The following MOB3B variants were observed in gnomAD, a reference collection of about 807,000 sequenced individuals.
The protein encoded by MOB3B is MOB kinase activator 3B, also known as MOB kinase activator-like 2B.
A neutral mutation model predicts 18.7 loss-of-function variants in MOB3B; 7 were observed. That is an observed-to-expected ratio of 0.37 (90% CI 0.21 to 0.70). The LOEUF (loss-of-function observed/expected upper bound fraction) is 0.70, where lower values mean the gene tolerates loss of function less well. MOB3B is among the 30% of genes least tolerant of loss of function. The pLI, the probability that MOB3B is intolerant of heterozygous loss-of-function variation, is 0.52. For missense variants in MOB3B, 253 were observed against 281.3 expected (o/e 0.90, Z 0.72); for synonymous variants, 111 against 99.9 (o/e 1.11, Z -0.66).
chr9:27,382,469 G>C (rs1415828556), intron 2 of MOB3B, among the ~76,000 whole-genome samples: 2 of 152,066 alleles, frequency 1.3e-5, no homozygotes, highest in African/African-American at 4.8e-5. Flanking sequence ...TAGAAGATCA[G>C]GGCCAATCCT....
chr9:27,381,989 T>G (rs1821585686), intron 2 of MOB3B, among the ~76,000 whole-genome samples: 1 of 152,034 alleles, frequency 6.6e-6, no homozygotes, highest in South Asian at 2.1e-4. Flanking sequence ...CTGATACGAG[T>G]GGGCATTCTC....
chr9:27,336,750 C>T lies in MOB3B; in HGVS notation c.622-6134G>A, dbSNP rs1261854955. Among the ~76,000 whole-genome samples the T allele has an allele frequency of 3.3e-5, 5 of 152,180 alleles. No homozygotes were observed. The East Asian group carries it at 9.7e-4, about 30-fold the overall frequency. ...ACGTATATAAAGGAAATTGGGCTCTCTAATACAGCACGCCCGCACACGTGT... is the reference window on the plus strand; with the variant it reads ...ACGTATATAAAGGAAATTGGGCTCTTTAATACAGCACGCCCGCACACGTGT... On this transcript the variant is annotated intron_variant, in intron 3 of 3. Coordinates refer to ENST00000262244, the MANE Select transcript of MOB3B (RefSeq NM_024761.5).
At chr9:27,522,424 T>TC (rs1820352730) in intron 1 of MOB3B, among the ~76,000 whole-genome samples, 1 of 46,762 alleles carries the variant, frequency 2.1e-5, no homozygotes, top group Non-Finnish European at 8.3e-5. Context: ...TTTTTTCATA[T>TC]ATATATATAT....
intron 3 of MOB3B, among the ~76,000 whole-genome samples, chr9:27,338,945 G>T (rs886917847): frequency 3.9e-5 from 6 of 152,230 alleles, no homozygotes; most frequent in African/African-American, 1.4e-4. Context: ...GGAGCCCTCA[G>T]TTGCATCCTT....
intron 2 of MOB3B, among the ~76,000 whole-genome samples, chr9:27,381,863 A>G (rs969060159): frequency 2.6e-5 from 4 of 152,160 alleles, no homozygotes; most frequent in Non-Finnish European, 5.9e-5. Context: ...CTAGGCTGGT[A>G]TCAAACTACG....
At chr9:27,377,355 C>T (rs560200205) in intron 2 of MOB3B, among the ~76,000 whole-genome samples, 1 of 152,102 alleles carries the variant, frequency 6.6e-6, no homozygotes, top group Non-Finnish European at 1.5e-5. Flanking sequence ...CAGGATGAGA[C>T]GATGAGTCAT....
chr9:27,517,460 C>T (rs1439002157), intron 1 of MOB3B, among the ~76,000 whole-genome samples: 1 of 151,738 alleles, frequency 6.6e-6, no homozygotes, highest in African/African-American at 2.4e-5. Context: ...CCAGCCTGGC[C>T]AACATGGTGA....
chr9:27,474,218 GT>G (rs1819518732), intron 1 of MOB3B, among the ~76,000 whole-genome samples: 1 of 152,144 alleles, frequency 6.6e-6, no homozygotes. Flanking sequence ...TAAAGTAATA[GT>G]GATAATAATT....
At chr9:27,472,776 G>C (rs888309836) in intron 1 of MOB3B, among the ~76,000 whole-genome samples, 3 of 151,248 alleles carry the variant, frequency 2.0e-5, no homozygotes, top group Middle Eastern at 3.5e-3. Context: ...TTTGGAAAAA[G>C]GTGGTGGAGG....
intron 2 of MOB3B, among the ~76,000 whole-genome samples, chr9:27,449,990 A>G (rs1206984451): frequency 1.3e-5 from 2 of 152,002 alleles, no homozygotes. Flanking sequence ...AAATTAAAAA[A>G]AAAAAAAAAA....
At chr9:27,403,048 G>A (rs1205008498) in intron 2 of MOB3B, among the ~76,000 whole-genome samples, 1 of 152,176 alleles carries the variant, frequency 6.6e-6, no homozygotes, top group Non-Finnish European at 1.5e-5. Flanking sequence ...AGGTTAAAAG[G>A]GAGACTAGTC....
chr9:27,410,415 G>A (rs930441133), intron 2 of MOB3B, among the ~76,000 whole-genome samples: 1 of 152,124 alleles, frequency 6.6e-6, no homozygotes, highest in East Asian at 1.9e-4. Context: ...TGAGTCACCC[G>A]GTTCAAAAGT....
rs1342036111 is a variant in MOB3B, at chr9:27,346,801, C to T, written c.621+12233G>A. 2.6e-5 allele frequency among the ~76,000 whole-genome samples: 4 copies of T among 152,174 alleles called. No individual in the cohort carries two copies. The East Asian group carries it at 7.7e-4, about 29-fold the overall frequency. On this transcript the variant is annotated intron_variant, in intron 3 of 3. Coordinates refer to ENST00000262244, the MANE Select transcript of MOB3B (RefSeq NM_024761.5). ...CTTGAGGTCAGAAGTTCAAGACCAG[C>T]CTGGCCAACATGGTGAAACCCTGTC...
At chr9:27,494,054 C>T (rs573891732) in intron 1 of MOB3B, among the ~76,000 whole-genome samples, 3 of 152,308 alleles carry the variant, frequency 2.0e-5, no homozygotes, top group South Asian at 2.1e-4. Flanking sequence ...CCCAGGTGCA[C>T]CTGTCTCTTA....
intron 2 of MOB3B, among the ~76,000 whole-genome samples, chr9:27,390,481 C>T (rs909858955): frequency 1.3e-5 from 2 of 152,176 alleles, no homozygotes; most frequent in African/African-American, 4.8e-5. Context: ...GGATTATAGG[C>T]GTGAGCCACC....
At chr9:27,399,554 A>C (rs1228029902) in intron 2 of MOB3B, among the ~76,000 whole-genome samples, 1 of 152,168 alleles carries the variant, frequency 6.6e-6, no homozygotes, top group Non-Finnish European at 1.5e-5. Flanking sequence ...CAACTGTTTT[A>C]GAGTATTTCA....
At chr9:27,518,802 T>C (rs1223028285) in intron 1 of MOB3B, among the ~76,000 whole-genome samples, 1 of 152,174 alleles carries the variant, frequency 6.6e-6, no homozygotes, top group Non-Finnish European at 1.5e-5. Flanking sequence ...CTCAGCAGTT[T>C]TGCCTATACA....
intron 1 of MOB3B, among the ~76,000 whole-genome samples, chr9:27,487,483 T>G (rs1415689027): frequency 2.0e-5 from 3 of 152,144 alleles, no homozygotes; most frequent in Admixed American, 2.0e-4. Context: ...CAGACCCCTA[T>G]GTGCACAGTA....
chr9:27,385,274 A>G (rs1002215605), intron 2 of MOB3B, among the ~76,000 whole-genome samples: 8 of 152,224 alleles, frequency 5.3e-5, no homozygotes, highest in Non-Finnish European at 1.2e-4. Context: ...AACAACAGTG[A>G]TTCTTTTTTG....
Sources: allele counts gnomAD v4.1 joint callset (sites outside exome capture counted in the v4.1 genomes callset), GRCh38; gene constraint gnomAD v4.1.1; transcripts MANE v1.5; gene names NCBI Gene and HGNC (gene_info 2026-07-23, HGNC 2026-07-21).